OR5K1: variants seen among roughly 807,000 people sequenced by gnomAD.
OR5K1 encodes the protein olfactory receptor 5K1.
Under a neutral mutation model 10.4 loss-of-function variants are expected in OR5K1, and 7 were observed. That is an observed-to-expected ratio of 0.67 (90% confidence interval 0.38 to 1.26). The LOEUF (loss-of-function observed/expected upper bound fraction) is 1.26. OR5K1 is among the 50% of genes most tolerant of loss of function. The pLI is 0.02. For synonymous variants in OR5K1, 135 were observed against 128.5 expected (o/e 1.05, Z -0.34); for missense variants, 435 against 366.2 (o/e 1.19, Z -1.53).
At chr3:98,468,267 A>T (rs928365992) in intron 1 of OR5K1, among the ~76,000 whole-genome samples, 7 of 152,102 alleles carry the variant, frequency 4.6e-5, no homozygotes, top group Admixed American at 4.6e-4. Context: ...GCAGTATTGG[A>T]GATAGTTAAT....
chr3:98,465,533 T>A (rs1705361165), intron 1 of OR5K1, among the ~76,000 whole-genome samples: 1 of 152,150 alleles, frequency 6.6e-6, no homozygotes, highest in African/African-American at 2.4e-5. Context: ...AAGAGTTTCT[T>A]TAATTTATTA....
Position 98,470,585 on chromosome 3 carries a change from A to T in OR5K1, c.*82A>T, listed in dbSNP as rs989043728. On this transcript the variant is annotated 3_prime_UTR_variant, in exon 2 of 2. Coordinates refer to ENST00000642057, the MANE Select transcript of OR5K1 (RefSeq NM_001004736.4). ...CAAAAACTTCCATGTGAAATTACAC[A>T]GGGGAAATGCATAAATTATAAGTAA... The T allele has an allele frequency of 1.1e-5, 8 of 745,248 alleles. No homozygotes were observed. The highest frequency in any genetic ancestry group is 3.0e-5 in the Admixed American group (1 of 32,966). The allele number at this position is 745,248 out of a possible 1,614,324, so 46.2% of individuals were successfully genotyped here.
chr3:98,469,333 A>G, intron 1 of OR5K1: 1 of 545,930 alleles, frequency 1.8e-6, no homozygotes, highest in Non-Finnish European at 3.2e-6. Context: ...ATTAGGTACT[A>G]TTAAAATGGT....
rs796977597 is a variant in OR5K1, at chr3:98,471,432, C to T, written c.*929C>T. 7 of 151,768 alleles carry T rather than the reference C, an allele frequency of 4.6e-5. No individual in the cohort carries two copies. The highest frequency in any genetic ancestry group is 1.4e-4 in the African/African-American group (6 of 41,388). 9.4% of individuals were successfully genotyped at this position (151,768 alleles called of 1,614,324 possible). A position where few individuals can be genotyped will look rare whatever the true frequency, so the allele number is the denominator to read the frequency against. ...TTTTTTTCTTTTCACTATTGCAAAA[C>T]CTGAAGTTGGTATTGTGGGTAGAGT... On this transcript the variant is annotated 3_prime_UTR_variant, in exon 2 of 2. Coordinates refer to ENST00000642057, the MANE Select transcript of OR5K1 (RefSeq NM_001004736.4).
At position 98,470,234 on chromosome 3, in the gene OR5K1, T is replaced by C; in HGVS notation, c.658T>C (p.Tyr220His). The change falls in exon 2 of 2, where the codon TAT becomes CAT. Residue 220 changes from tyrosine to histidine, a missense_variant. By Grantham distance (83) the Tyr-to-His change is moderately conservative. Coordinates refer to ENST00000642057, the MANE Select transcript of OR5K1 (RefSeq NM_001004736.4). ...TIGSVLISYL[Y>H]ILLTIFKMKS... ...AGGTAGTGTCTTAATATCTTATCTCTATATTCTTCTTACTATTTTCAAAAT... is the reference window on the plus strand; with the variant it reads ...AGGTAGTGTCTTAATATCTTATCTCCATATTCTTCTTACTATTTTCAAAAT... 1 of 1,613,262 alleles carries C rather than the reference T, an allele frequency of 6.2e-7. No homozygotes were observed. Among genetic ancestry groups the C allele is most frequent in the Non-Finnish European group, 8.5e-7 (1 of 1,179,516 alleles).
Position 98,470,652 on chromosome 3 carries a change from G to C in OR5K1, c.*149G>C. ...AATACATTCAAATTAAGTGGCAAGA[G>C]GTAAGGGTAGAATATACAAAAAAGA... On this transcript the variant is annotated 3_prime_UTR_variant, in exon 2 of 2. Coordinates refer to ENST00000642057, the MANE Select transcript of OR5K1 (RefSeq NM_001004736.4). 1.9e-6 allele frequency: 1 copy of C among 515,054 alleles called. No individual in the cohort carries two copies. Among genetic ancestry groups the C allele is most frequent in the Non-Finnish European group, 3.5e-6 (1 of 289,798 alleles). 31.9% of individuals were successfully genotyped at this position (515,054 alleles called of 1,614,324 possible). A position where few individuals can be genotyped will look rare whatever the true frequency, so the allele number is the denominator to read the frequency against.
In OR5K1 at chr3:98,470,476, C is replaced by T; in HGVS notation, c.900C>T (p.Val300=). 1 of 1,562,804 alleles carries T rather than the reference C, an allele frequency of 6.4e-7. No homozygotes were observed. Among genetic ancestry groups the T allele is most frequent in the Non-Finnish European group, 8.8e-7 (1 of 1,140,590 alleles). The change falls in exon 2 of 2, where the codon GTC becomes GTT. Residue 300 remains valine (V), a synonymous_variant. Transcript: ENST00000642057. ...YSLRNREVIS[V]LRKILMKK ...TGAGAAATAGGGAAGTAATAAGTGT[C>T]TTAAGAAAAATTCTGATGAAGAAAT... is the stretch of plus-strand genomic sequence containing the variant.
chr3:98,470,270 G>A lies in OR5K1; in HGVS notation c.694G>A (p.Glu232Lys). ...LLTIFKMKSKEGRAKAFSTCA... is the reference protein window; with the variant it reads ...LLTIFKMKSKKGRAKAFSTCA... ...TACTATTTTCAAAATGAAATCCAAA[G>A]AGGGAAGGGCCAAAGCTTTTTCTAC... Residue 232 changes from glutamate to lysine, a missense_variant, in exon 2 of 2, where the codon GAG (glutamate) becomes AAG (lysine). Transcript: ENST00000642057. 1 of 1,613,218 alleles carries A rather than the reference G, an allele frequency of 6.2e-7. No homozygotes were observed. Among genetic ancestry groups the A allele is most frequent in the South Asian group, 1.1e-5 (1 of 91,034 alleles).
chr3:98,469,386 TA>T (rs1194917926), intron 1 of OR5K1, 179 bp from the exon 2 acceptor site: 4 of 601,398 alleles, frequency 6.7e-6, no homozygotes, highest in Non-Finnish European at 1.2e-5. Flanking sequence ...GTTTCATCAC[TA>T]GCCAAAGAGG....
At chr3:98,465,690 A>G (rs1705363914) in intron 1 of OR5K1, among the ~76,000 whole-genome samples, 1 of 152,068 alleles carries the variant, frequency 6.6e-6, no homozygotes, top group Admixed American at 6.6e-5. Flanking sequence ...TAATGAGGTT[A>G]TAAATTTTTA....
chr3:98,469,715 G>A lies in OR5K1; in HGVS notation c.139G>A (p.Ala47Thr). 6.2e-7 allele frequency: 1 copy of A among 1,613,730 alleles called. No individual in the cohort carries two copies. The highest frequency in any genetic ancestry group is 1.7e-5 in the Admixed American group (1 of 59,928). ...CGTGGTGGGGAATATTAGTTTGGTG[G>A]CACTGATATTTACACACCGTCGGCT... ...ITVVGNISLV[A>T]LIFTHRRLHT... The change falls in exon 2 of 2, where the codon GCA becomes ACA. Residue 47 changes from alanine (A) to threonine (T), a missense_variant. By Grantham distance (58) the Ala-to-Thr change is moderately conservative. Transcript: ENST00000642057.
chr3:98,470,587 G>A lies in OR5K1; in HGVS notation c.*84G>A, dbSNP rs555802209. 1.1e-3 allele frequency: 773 copies of A among 725,064 alleles called. 8 individuals are homozygous for A. Among genetic ancestry groups the A allele is most frequent in the Middle Eastern group, 1.7e-3 (5 of 3,012 alleles). 44.9% of individuals were successfully genotyped at this position (725,064 alleles called of 1,614,324 possible). On this transcript the variant is annotated 3_prime_UTR_variant, in exon 2 of 2. Transcript: ENST00000642057. Reference sequence around the variant, plus strand: ...AAAACTTCCATGTGAAATTACACAGGGGAAATGCATAAATTATAAGTAAAA... The same window carrying A: ...AAAACTTCCATGTGAAATTACACAGAGGAAATGCATAAATTATAAGTAAAA...
Position 98,472,528 on chromosome 3 carries a change from G to A in OR5K1, c.*2025G>A, listed in dbSNP as rs571363136. 4.1e-4 allele frequency: 62 copies of A among 151,962 alleles called. 2 individuals are homozygous for A. Among genetic ancestry groups the A allele is most frequent in the Admixed American group, 3.8e-3 (58 of 15,204 alleles). 9.4% of individuals were successfully genotyped at this position (151,962 alleles called of 1,614,324 possible). ...CAACACGAACTCTTCCCTTCTTGATGTTGCTTTTTTTCCCAACTGACTGAA... is the reference window on the plus strand; with the variant it reads ...CAACACGAACTCTTCCCTTCTTGATATTGCTTTTTTTCCCAACTGACTGAA... On this transcript the variant is annotated 3_prime_UTR_variant, in exon 2 of 2. Coordinates refer to ENST00000642057, the MANE Select transcript of OR5K1 (RefSeq NM_001004736.4).
Position 98,469,599 on chromosome 3 carries a change from T to C in OR5K1, c.23T>C (p.Met8Thr). 1 of 1,609,472 alleles carries C rather than the reference T, an allele frequency of 6.2e-7. No individual in the cohort carries two copies. Among genetic ancestry groups the C allele is most frequent in the Non-Finnish European group, 8.5e-7 (1 of 1,177,450 alleles). The change falls in exon 2 of 2, where the codon ATG (methionine) becomes ACG (threonine). Residue 8 changes from methionine (M) to threonine (T), a missense_variant. By Grantham distance (81) the Met-to-Thr change is moderately conservative (BLOSUM62 -1). Transcript: ENST00000642057. MAEENHT[M>T]KNEFILTGFT... Reference sequence around the variant, plus strand: ...GGAATGGCTGAAGAAAATCATACCATGAAAAATGAGTTTATCCTCACAGGA... The same window carrying C: ...GGAATGGCTGAAGAAAATCATACCACGAAAAATGAGTTTATCCTCACAGGA...
chr3:98,472,584 A>T lies in OR5K1; in HGVS notation c.*2081A>T, dbSNP rs1213542842. The T allele has an allele frequency of 6.6e-6, 1 of 151,960 alleles. No individual in the cohort carries two copies. Among genetic ancestry groups the T allele is most frequent in the African/African-American group, 2.4e-5 (1 of 41,402 alleles). 9.4% of individuals were successfully genotyped at this position (151,960 alleles called of 1,614,324 possible). On this transcript the variant is annotated 3_prime_UTR_variant, in exon 2 of 2. Coordinates refer to ENST00000642057, the MANE Select transcript of OR5K1 (RefSeq NM_001004736.4). ...AATTCTAGGATGATACTTAGTTTTC[A>T]CATCATTACAAATGTTTCCCAAATG...
chr3:98,467,349 G>T, intron 1 of OR5K1, among the ~76,000 whole-genome samples: 1 of 31,462 alleles, frequency 3.2e-5, no homozygotes. Flanking sequence ...CTCCAGCTTT[G>T]TTCTTTTGGC....
chr3:98,465,910 T>C (rs1391919154), intron 1 of OR5K1, among the ~76,000 whole-genome samples: 1 of 151,970 alleles, frequency 6.6e-6, no homozygotes, highest in Non-Finnish European at 1.5e-5. Context: ...AATTTTTTTT[T>C]ATTATACTTT....
chr3:98,470,505 C>T lies in OR5K1; in HGVS notation c.*2C>T, dbSNP rs756702620. The T allele has an allele frequency of 3.3e-6, 5 of 1,512,110 alleles. No individual in the cohort carries two copies. Among genetic ancestry groups the T allele is most frequent in the Non-Finnish European group, 4.5e-6 (5 of 1,100,256 alleles). 93.7% of individuals were successfully genotyped at this position (1,512,110 alleles called of 1,614,324 possible). ...AGAAAAATTCTGATGAAGAAATAAT[C>T]TCAAGAAAGATGGAAACAAGTGACA... On this transcript the variant is annotated 3_prime_UTR_variant, in exon 2 of 2. Transcript: ENST00000642057.
In OR5K1 at chr3:98,470,883, A is replaced by G. The variant is rs1253726034; in HGVS notation, c.*380A>G. 2 of 160,438 alleles carry G rather than the reference A, an allele frequency of 1.2e-5. No homozygotes were observed. The highest frequency in any genetic ancestry group is 4.8e-5 in the African/African-American group (2 of 41,510). 9.9% of individuals were successfully genotyped at this position (160,438 alleles called of 1,614,324 possible). On this transcript the variant is annotated 3_prime_UTR_variant, in exon 2 of 2. Coordinates refer to ENST00000642057, the MANE Select transcript of OR5K1 (RefSeq NM_001004736.4). The stretch of plus-strand genomic sequence containing the variant: ...ATTGATAACCAGATAAGTTATTTTA[A>G]TAGCTTAGAGCATGAGCATTATGGT...
Sources: allele counts gnomAD v4.1 joint callset (sites outside exome capture counted in the v4.1 genomes callset), GRCh38; gene constraint gnomAD v4.1.1; transcripts MANE v1.5; gene names NCBI Gene and HGNC (gene_info 2026-07-23, HGNC 2026-07-21).